TP53BP1: variants seen among roughly 807,000 people sequenced by gnomAD.
TP53BP1 encodes TP53-binding protein 1.
In TP53BP1, 61 loss-of-function variants were observed where a neutral mutation model predicts 200.8. That is an observed-to-expected ratio of 0.30 (90% confidence interval 0.25 to 0.38). TP53BP1 has a LOEUF of 0.38. Among genes scored for constraint, TP53BP1 ranks in the 10% least tolerant of loss-of-function variants. The pLI, the probability that TP53BP1 is intolerant of heterozygous loss-of-function variation, is 1.00. For synonymous variants in TP53BP1, 822 were observed against 844.3 expected, an observed-to-expected ratio of 0.97 and a Z score of 0.46; for missense variants, 2,144 against 2,371.9, an observed-to-expected ratio of 0.90 and a Z score of 2.00.
rs901442865 is a variant in TP53BP1 at position 43,479,193 on chromosome 15, A to AACAG, written c.788+200_788+203dup. On this transcript the variant is annotated intron_variant, in intron 7 of 27. Transcript: ENST00000382044. ...GGCAACATAGTGAGACTTTGTTTCAAACAGACAGACAGACAGACAGACAAA... is the reference window on the plus strand; with the variant it reads ...GGCAACATAGTGAGACTTTGTTTCAAACAGACAGACAGACAGACAGACAGACAAA... Among the ~76,000 whole-genome samples the AACAG allele has an allele frequency of 1.2e-4, 19 of 152,272 alleles. 1 individual carries two copies. Among genetic ancestry groups the AACAG allele is most frequent in the Middle Eastern group, 3.4e-3 (1 of 294 alleles).
Position 43,474,738 on chromosome 15 carries a change from G to A in TP53BP1, c.1115C>T (p.Pro372Leu), listed in dbSNP as rs778059786. The A allele has an allele frequency of 2.5e-6, 4 of 1,613,092 alleles. No individual in the cohort carries two copies. Among genetic ancestry groups the A allele is most frequent in the Non-Finnish European group, 3.4e-6 (4 of 1,179,080 alleles). Residue 372 changes from proline (P) to leucine (L), a missense_variant, in exon 10 of 28, where the codon CCT becomes CTT. Physicochemically the swap from Pro to Leu is moderately conservative, Grantham distance 98. Coordinates refer to ENST00000382044, the MANE Select transcript of TP53BP1 (RefSeq NM_001141980.3). ...TNSSDLVAPSPDAFRSTPFIV... is the reference protein window; with the variant it reads ...TNSSDLVAPSLDAFRSTPFIV... The stretch of plus-strand genomic sequence containing the variant: ...AAAAGGAGTAGATCGGAAAGCATCA[G>A]GAGAAGGAGCAACAAGATCTGAAGA...
In TP53BP1 at chr15:43,480,967, C is replaced by G. The variant is rs771911092; in HGVS notation, c.427G>C (p.Glu143Gln). The G allele has an allele frequency of 6.2e-6, 10 of 1,614,068 alleles. No homozygotes were observed. Among genetic ancestry groups the G allele is most frequent in the Non-Finnish European group, 7.6e-6 (9 of 1,179,960 alleles). Reference sequence around the variant, plus strand: ...TTCTCTTTCTCCTTCTGTTCCAACTCTTCTCCCTTCTCTTCCTCCACAGCA... The same window carrying G: ...TTCTCTTTCTCCTTCTGTTCCAACTGTTCTCCCTTCTCTTCCTCCACAGCA... ...APAVEEEKGE[E>Q]LEQKEKEKEE... Residue 143 changes from glutamate (E) to glutamine (Q), a missense_variant, in exon 5 of 28, where the codon GAG (glutamate) becomes CAG (glutamine). By Grantham distance (29) the Glu-to-Gln change is conservative (BLOSUM62 2). This residue lies in a region of TP53BP1 where 1,700 missense variants were observed against 1,710.3 expected (regional missense o/e 0.99). Transcript: ENST00000382044.
intron 15 of TP53BP1, among the ~76,000 whole-genome samples, chr15:43,439,842 G>A (rs905626142): frequency 6.6e-6 from 1 of 152,122 alleles, no homozygotes; most frequent in Non-Finnish European, 1.5e-5. Context: ...ATATGCACAA[G>A]TACAGACTAA....
At chr15:43,469,574 G>A (rs1213674048) in intron 11 of TP53BP1, among the ~76,000 whole-genome samples, 2 of 152,064 alleles carry the variant, frequency 1.3e-5, no homozygotes, top group African/African-American at 2.4e-5. Context: ...TTGTGTTAAA[G>A]TAGAATAATG....
intron 4 of TP53BP1, among the ~76,000 whole-genome samples, chr15:43,482,396 G>A (rs1304070370): frequency 1.3e-5 from 2 of 152,212 alleles, no homozygotes; most frequent in African/African-American, 4.8e-5. Flanking sequence ...AGCACTTCGG[G>A]AGGCCGAAGT....
At chr15:43,471,186 TAAATCTA>T (rs1160556113) in intron 10 of TP53BP1, among the ~76,000 whole-genome samples, 1 of 151,224 alleles carries the variant, frequency 6.6e-6, no homozygotes, top group African/African-American at 2.5e-5. Context: ...GCAAATGCAT[TAAATCTA>T]AAATATAACT....
Position 43,404,897 on chromosome 15 carries a change from C to T in TP53BP1, c.*2486G>A. 4.0e-6 allele frequency: 2 copies of T among 495,594 alleles called. No individual in the cohort carries two copies. Among genetic ancestry groups the T allele is most frequent in the Non-Finnish European group, 7.1e-6 (2 of 280,350 alleles). 30.7% of individuals were successfully genotyped at this position (495,594 alleles called of 1,614,324 possible). On this transcript the variant is annotated 3_prime_UTR_variant, in exon 28 of 28. Coordinates refer to ENST00000382044, the MANE Select transcript of TP53BP1 (RefSeq NM_001141980.3). ...CCGCCTTGCTGGTCCCTAGCTTCCGCATCTGTGAAAGGAGGCGACCACCCC... is the reference window on the plus strand; with the variant it reads ...CCGCCTTGCTGGTCCCTAGCTTCCGTATCTGTGAAAGGAGGCGACCACCCC...
At chr15:43,499,935 G>C (rs1015959820) in intron 1 of TP53BP1, among the ~76,000 whole-genome samples, 6 of 152,146 alleles carry the variant, frequency 3.9e-5, no homozygotes, top group African/African-American at 1.4e-4. Flanking sequence ...TAGGAATTGT[G>C]AGACAAATCG....
intron 1 of TP53BP1, among the ~76,000 whole-genome samples, chr15:43,509,980 T>C (rs2079263073): frequency 6.6e-6 from 1 of 152,042 alleles, no homozygotes; most frequent in Non-Finnish European, 1.5e-5. Flanking sequence ...CTCTGGAGTG[T>C]GGAGTAGGTG....
At chr15:43,455,860 T>C in intron 12 of TP53BP1, 32 bp downstream of exon 12, 1 of 1,607,204 alleles carries the variant, frequency 6.2e-7, no homozygotes, top group Non-Finnish European at 8.5e-7. Context: ...ATAATTTAGG[T>C]GGAGACAAGA....
At chr15:43,473,633 C>T (rs776990211) in intron 10 of TP53BP1, among the ~76,000 whole-genome samples, 36 of 147,914 alleles carry the variant, frequency 2.4e-4, no homozygotes, top group Admixed American at 1.0e-3. Flanking sequence ...CCAGAGCAGC[C>T]AGATACAGAG....
upstream of TP53BP1, among the ~76,000 whole-genome samples, chr15:43,494,075 TTTG>T (rs745686104): frequency 4.6e-5 from 7 of 152,044 alleles, no homozygotes; most frequent in Non-Finnish European, 1.0e-4. Context: ...ATGTGTTTGT[TTTG>T]TTGTTGTTGT....
rs1389383570 is a variant in TP53BP1 at position 43,446,291 on chromosome 15, T to C, written c.3040+96A>G. On this transcript the variant is annotated intron_variant, in intron 14 of 27. Transcript: ENST00000382044. ...GTGTAAGACTTTACAAATACATTTA[T>C]AAATATAGAAGTATCAATTATTATA... is the stretch of plus-strand genomic sequence containing the variant. The C allele has an allele frequency of 2.1e-5, 20 of 949,096 alleles. No individual in the cohort carries two copies. The East Asian group carries it at 3.5e-4, about 16-fold the overall frequency. The allele number at this position is 949,096 out of a possible 1,614,324, so 58.8% of individuals were successfully genotyped here.
chr15:43,424,889 T>A (rs2142993874), intron 18 of TP53BP1, among the ~76,000 whole-genome samples: 1 of 152,264 alleles, frequency 6.6e-6, no homozygotes, highest in African/African-American at 2.4e-5. Flanking sequence ...GGTGATTGAG[T>A]CATAAGGGCT....
At chr15:43,510,591 G>GA in exon 1 of TP53BP1, 1 of 205,962 alleles carries the variant, frequency 4.9e-6, no homozygotes, top group South Asian at 9.3e-5. Context: ...CTCGGAGGCA[G>GA]AGAGGGACAA....
Position 43,404,995 on chromosome 15 carries a change from C to CAT in TP53BP1, c.*2387_*2388insAT. The CAT allele has an allele frequency of 1.7e-6, 1 of 586,938 alleles. No homozygotes were observed. The highest frequency in any genetic ancestry group is 2.9e-5 in the East Asian group (1 of 34,162). 36.4% of individuals were successfully genotyped at this position (586,938 alleles called of 1,614,324 possible). On this transcript the variant is annotated 3_prime_UTR_variant, in exon 28 of 28. Transcript: ENST00000382044. ...GCTGGCTTCCCAGAGGTCTGTCATT[C>CAT]CCATTCAGAAAATCACTTCATTGTC...
At chr15:43,467,450 G>A (rs2046612706) in intron 11 of TP53BP1, among the ~76,000 whole-genome samples, 1 of 152,160 alleles carries the variant, frequency 6.6e-6, no homozygotes, top group Non-Finnish European at 1.5e-5. Flanking sequence ...AAAGAAACCT[G>A]ATTAGAGTCA....
intron 18 of TP53BP1, 113 bp from the exon 19 acceptor site, chr15:43,422,239 A>C: frequency 7.3e-6 from 9 of 1,226,338 alleles, no homozygotes; most frequent in Non-Finnish European, 1.0e-5. Flanking sequence ...AAAGGTGAGA[A>C]TCAGGAGACT....
intron 14 of TP53BP1, among the ~76,000 whole-genome samples, chr15:43,442,782 G>A (rs188217091): frequency 5.4e-5 from 8 of 147,886 alleles, no homozygotes; most frequent in African/African-American, 1.8e-4. Flanking sequence ...TTACACATAC[G>A]AGCTACGACA....
Sources: allele counts gnomAD v4.1 joint callset (sites outside exome capture counted in the v4.1 genomes callset), GRCh38; gene constraint gnomAD v4.1.1; regional missense constraint gnomAD v4.1.1; transcripts MANE v1.5; gene names NCBI Gene and HGNC (gene_info 2026-07-23, HGNC 2026-07-21).